The following FAM184B variants were observed in gnomAD, a reference collection of about 807,000 sequenced individuals.
FAM184B encodes protein FAM184B.
A neutral mutation model predicts 135.9 loss-of-function variants in FAM184B; 111 were observed. The ratio of observed to expected loss-of-function variants is 0.82; its 90% confidence interval spans 0.70 to 0.96. The LOEUF (loss-of-function observed/expected upper bound fraction) is 0.96. FAM184B is among the 40% of genes least tolerant of loss of function. The pLI, the probability that FAM184B is intolerant of heterozygous loss-of-function variation, is 0.00. For missense variants in FAM184B, 1,375 were observed against 1,323.9 expected (o/e 1.04, Z -0.60); for synonymous variants, 552 against 524.8 (o/e 1.05, Z -0.71).
chr4:17,777,375 A>C (rs1718949133), intron 1 of FAM184B, among the ~76,000 whole-genome samples: 1 of 152,158 alleles, frequency 6.6e-6, no homozygotes, highest in Admixed American at 6.5e-5. Context: ...GGGTGATGAA[A>C]ATGTCCCTAA....
intron 1 of FAM184B, among the ~76,000 whole-genome samples, chr4:17,774,952 C>A (rs1054080278): frequency 4.7e-5 from 7 of 148,956 alleles, no homozygotes; most frequent in African/African-American, 1.7e-4. Flanking sequence ...GTAAGATCAG[C>A]TTCGATGTGC....
intron 1 of FAM184B, among the ~76,000 whole-genome samples, chr4:17,754,318 G>C (rs1284067755): frequency 6.6e-6 from 1 of 152,070 alleles, no homozygotes; most frequent in Non-Finnish European, 1.5e-5. Context: ...TTGGGAGGCC[G>C]AGGCAGGTAG....
chr4:17,665,831 C>G (rs1161910166), intron 7 of FAM184B, among the ~76,000 whole-genome samples: 3 of 152,182 alleles, frequency 2.0e-5, no homozygotes, highest in Admixed American at 6.5e-5. Flanking sequence ...GGACTCCCAG[C>G]AGAACTGGAA....
intron 11 of FAM184B, among the ~76,000 whole-genome samples, chr4:17,649,856 CCATCCACCCACT>C (rs1577246465): frequency 7.0e-6 from 1 of 142,698 alleles, no homozygotes; most frequent in East Asian, 2.4e-4. Flanking sequence ...GTCCATCCAT[CCATCCACCCACT>C]CATCCATCCA....
At position 17,648,060 on chromosome 4, in the gene FAM184B, A is replaced by G. The variant is rs115241247; in HGVS notation, c.2192-269T>C. Among the ~76,000 whole-genome samples the G allele has an allele frequency of 1.9e-3, 296 of 152,198 alleles. 1 individual carries two copies. The highest frequency in any genetic ancestry group is 6.8e-3 in the African/African-American group (283 of 41,522). ...TTAGGATGAGGGACCTGAGCATCAG[A>G]GAGGGTGAGCACAATGCCCAAAGCC... On this transcript the variant is annotated intron_variant, in intron 11 of 17. Transcript: ENST00000265018.
chr4:17,671,473 G>A (rs115392393), intron 7 of FAM184B, among the ~76,000 whole-genome samples: 2,468 of 152,132 alleles, frequency 0.016, 77 homozygotes, highest in African/African-American at 0.057. Flanking sequence ...CTTACTGGGA[G>A]GAAATGAGTT....
intron 13 of FAM184B, among the ~76,000 whole-genome samples, chr4:17,641,496 T>TTG (rs1715310376): frequency 1.1e-5 from 1 of 91,794 alleles, no homozygotes; most frequent in Non-Finnish European, 2.0e-5. Context: ...TTTTTTTTTT[T>TTG]GAGACGGAGT....
chr4:17,733,180 C>A (rs1255358381), intron 1 of FAM184B, among the ~76,000 whole-genome samples: 26 of 151,994 alleles, frequency 1.7e-4, no homozygotes, highest in Admixed American at 3.3e-4. Context: ...ATTGATGGGA[C>A]GTATCTCAAA....
At position 17,727,134 on chromosome 4, in the gene FAM184B, A is replaced by C. The variant is rs142438303; in HGVS notation, c.142-17490T>G. ...ATTCCTGACCCTTCTAAGTAAACTC[A>C]GTATGACTCACTGAACACCAACTTC... On this transcript the variant is annotated intron_variant, in intron 1 of 17. Transcript: ENST00000265018. Among the ~76,000 whole-genome samples the C allele has an allele frequency of 1.3e-4, 20 of 152,338 alleles. No homozygotes were observed. In the East Asian group the frequency reaches 3.7e-3, roughly 28 times the overall value.
chr4:17,629,630 T>C lies in FAM184B; in HGVS notation c.*2902A>G, dbSNP rs6449317. On this transcript the variant is annotated 3_prime_UTR_variant, in exon 18 of 18. Transcript: ENST00000265018. ...AATACAGCCTGAAGAGATTTACCATTAAATACTGTTTTTTTCTCTCTCTTA... is the reference window on the plus strand; with the variant it reads ...AATACAGCCTGAAGAGATTTACCATCAAATACTGTTTTTTTCTCTCTCTTA... 0.72 allele frequency: 108,992 copies of C among 152,126 alleles called. 39,912 individuals carry two copies. Among genetic ancestry groups the C allele is most frequent in the East Asian group, 0.93 (4,800 of 5,170 alleles). The allele number at this position is 152,126 out of a possible 1,614,324, so 9.4% of individuals were successfully genotyped here.
chr4:17,636,510 G>C lies in FAM184B; in HGVS notation c.2784+18C>G. 6.5e-7 allele frequency: 1 copy of C among 1,535,616 alleles called. No individual in the cohort carries two copies. Among genetic ancestry groups the C allele is most frequent in the Non-Finnish European group, 8.8e-7 (1 of 1,134,604 alleles). ...GCCCGGCCAGGTGCGTGGGTGAGGC[G>C]CCCCCTGACAGCCTCACCGTGAGCT... On this transcript the variant is annotated intron_variant, in intron 15 of 17. Transcript: ENST00000265018.
chr4:17,653,092 TC>T, intron 10 of FAM184B, 109 bp from the exon 11 acceptor site: 1 of 1,052,828 alleles, frequency 9.5e-7, no homozygotes. Context: ...ACTCGCACTC[TC>T]CCATGGAGGG....
chr4:17,709,795 G>A (rs1459238796), intron 1 of FAM184B, among the ~76,000 whole-genome samples, 151 bp from the exon 2 acceptor site: 2 of 152,204 alleles, frequency 1.3e-5, no homozygotes, highest in Admixed American at 6.5e-5. Flanking sequence ...ATTAGAAACT[G>A]TTCCCAGAAG....
chr4:17,676,986 G>A (rs1716324782), intron 7 of FAM184B, among the ~76,000 whole-genome samples: 1 of 152,164 alleles, frequency 6.6e-6, no homozygotes, highest in Non-Finnish European at 1.5e-5. Context: ...TCGTCATTAA[G>A]TGACACACAA....
chr4:17,635,108 C>A lies in FAM184B; in HGVS notation c.2790G>T (p.Glu930Asp). Reference sequence around the variant, plus strand: ...GGAATGCTGCGTAGTGAAATCTTCTCTCTTCCTAGAAAACCAATACAACTG... The same window carrying A: ...GGAATGCTGCGTAGTGAAATCTTCTATCTTCCTAGAAAACCAATACAACTG... Reference protein sequence around the residue: ...REDIIKQLTEERRFHYAAFPS... With the variant: ...REDIIKQLTEDRRFHYAAFPS... Residue 930 changes from glutamate (E) to aspartate (D), a missense_variant, in exon 16 of 18, where the codon GAG (glutamate) becomes GAT (aspartate). Transcript: ENST00000265018. 7 of 1,551,274 alleles carry A rather than the reference C, an allele frequency of 4.5e-6. No homozygotes were observed. Among genetic ancestry groups the A allele is most frequent in the Non-Finnish European group, 6.1e-6 (7 of 1,146,658 alleles).
chr4:17,641,643 CTTTTTTTTTTTT>C (rs34886078), intron 13 of FAM184B, among the ~76,000 whole-genome samples: 9 of 24,376 alleles, frequency 3.7e-4, no homozygotes, highest in East Asian at 2.4e-3. Flanking sequence ...CACGCCCGGC[CTTTTTTTTTTTT>C]TTTTTTTTTT....
rs921722809 is a variant in FAM184B, at chr4:17,777,052, C to T, written c.141+4107G>A. 8.5e-5 allele frequency among the ~76,000 whole-genome samples: 13 copies of T among 152,060 alleles called. 1 individual carries two copies. Among genetic ancestry groups the T allele is most frequent in the Non-Finnish European group, 1.6e-4 (11 of 68,018 alleles). On this transcript the variant is annotated intron_variant, in intron 1 of 17. Coordinates refer to ENST00000265018, the MANE Select transcript of FAM184B (RefSeq NM_015688.2). ...ACCCAAGAACACATAAAGACTTGCA[C>T]GTGAATGTAATCTTCATAGCAGCAT...
intron 15 of FAM184B, among the ~76,000 whole-genome samples, chr4:17,635,468 A>G (rs1181474733): frequency 1.3e-5 from 2 of 152,126 alleles, no homozygotes; most frequent in African/African-American, 4.8e-5. Flanking sequence ...GTCTTGTTTG[A>G]CATTTGTGTT....
intron 1 of FAM184B, among the ~76,000 whole-genome samples, chr4:17,771,525 C>A (rs1374692494): frequency 6.6e-6 from 1 of 152,182 alleles, no homozygotes; most frequent in Admixed American, 6.5e-5. Flanking sequence ...GTCTAGAGTC[C>A]TAAAGCAAAC....
Sources: allele counts gnomAD v4.1 joint callset (sites outside exome capture counted in the v4.1 genomes callset), GRCh38; gene constraint gnomAD v4.1.1; transcripts MANE v1.5; gene names NCBI Gene and HGNC (gene_info 2026-07-23, HGNC 2026-07-21).